Variants in CEP78 observed in about 807,000 individuals in gnomAD.
CEP78 encodes centrosomal protein 78, also known as centrosomal protein of 78 kDa.
CEP78 carries 76 observed loss-of-function variants against 81.2 expected under a neutral mutation model. The ratio of observed to expected loss-of-function variants is 0.94; its 90% CI spans 0.78 to 1.13. The LOEUF is 1.13. Among genes scored for constraint, CEP78 ranks in the 50% most tolerant of loss-of-function variants. The pLI is 0.00. For synonymous variants in CEP78, 293 were observed against 301.4 expected (o/e 0.97, Z 0.29); for missense variants, 918 against 846.8 (o/e 1.08, Z -1.04).
chr9:78,251,290 A>G (rs1034295484), intron 8 of CEP78, among the ~76,000 whole-genome samples: 2 of 152,258 alleles, frequency 1.3e-5, no homozygotes, highest in African/African-American at 4.8e-5. Context: ...ATAGGCGGCA[A>G]CATTGGCTCA....
At chr9:78,242,341 T>C (rs1184698277) in intron 4 of CEP78, among the ~76,000 whole-genome samples, 2 of 152,200 alleles carry the variant, frequency 1.3e-5, no homozygotes, top group Non-Finnish European at 2.9e-5. Flanking sequence ...ATGTTTATTT[T>C]GGGGCCTTTA....
intron 11 of CEP78, among the ~76,000 whole-genome samples, chr9:78,258,141 C>G (rs1827123695): frequency 6.6e-6 from 1 of 152,206 alleles, no homozygotes; most frequent in Non-Finnish European, 1.5e-5. Flanking sequence ...TATATTAATT[C>G]ATTTGATCCT....
chr9:78,260,501 A>G (rs1402699101), intron 11 of CEP78, among the ~76,000 whole-genome samples: 5 of 151,986 alleles, frequency 3.3e-5, no homozygotes, highest in Non-Finnish European at 5.9e-5. Context: ...AGTTCAGGAG[A>G]TCGAGACCAT....
In CEP78 at chr9:78,271,444, T is replaced by G. The variant is rs1827685690; in HGVS notation, c.*593T>G. 1 of 152,158 alleles carries G rather than the reference T, an allele frequency of 6.6e-6. No individual in the cohort carries two copies. Among genetic ancestry groups the G allele is most frequent in the Non-Finnish European group, 1.5e-5 (1 of 68,026 alleles). The allele number at this position is 152,158 out of a possible 1,614,324, so 9.4% of individuals were successfully genotyped here. A position where few individuals can be genotyped will look rare whatever the true frequency, so the allele number is the denominator to read the frequency against. ...CAAAATCTTCAGCAATTCATAAAGA[T>G]ACTGTGTTCATAAAGAATAGGATGC... On this transcript the variant is annotated 3_prime_UTR_variant, in exon 17 of 17. Transcript: ENST00000643273.
intron 16 of CEP78, among the ~76,000 whole-genome samples, chr9:78,268,680 C>CTTTTTTTT (rs1221969870): frequency 2.3e-5 from 3 of 130,698 alleles, no homozygotes; most frequent in Non-Finnish European, 4.9e-5. Flanking sequence ...GGTTTCTTTT[C>CTTTTTTTT]TTTTTTTTTT....
chr9:78,266,918 C>A, intron 16 of CEP78: 1 of 1,427,902 alleles, frequency 7.0e-7, no homozygotes, highest in Non-Finnish European at 9.1e-7. Context: ...AAAGTAAATC[C>A]AGTCCACTAG....
In CEP78 at chr9:78,265,888, T is replaced by C; in HGVS notation, c.1827T>C (p.Asn609=). 1 of 1,392,372 alleles carries C rather than the reference T, an allele frequency of 7.2e-7. No homozygotes were observed. The highest frequency in any genetic ancestry group is 1.4e-5 in the African/African-American group (1 of 70,050). 86.3% of individuals were successfully genotyped at this position (1,392,372 alleles called of 1,614,324 possible). A position where few individuals can be genotyped will look rare whatever the true frequency, so the allele number is the denominator to read the frequency against. The stretch of plus-strand genomic sequence containing the variant: ...CTATTTGTATGCAGTCAGCTTACAA[T>C]GAAGGAACACTAATGAAGGTACAAG... The part of the protein sequence containing the change: ...QVSICMQSAY[N]EGTLMKFQKI... The change falls in exon 15 of 17, where the codon AAT becomes AAC. Residue 609 remains asparagine, a synonymous_variant. Coordinates refer to ENST00000643273, the MANE Select transcript of CEP78 (RefSeq NM_001330691.3).
Position 78,250,222 on chromosome 9 carries a change from G to A in CEP78, c.1069+1349G>A, listed in dbSNP as rs1587574530. 47 of 398,036 alleles carry A rather than the reference G, an allele frequency of 1.2e-4. 1 individual carries two copies. The East Asian group carries it at 1.7e-3, about 14-fold the overall frequency. 24.7% of individuals were successfully genotyped at this position (398,036 alleles called of 1,614,324 possible). A position where few individuals can be genotyped will look rare whatever the true frequency, so the allele number is the denominator to read the frequency against. On this transcript the variant is annotated intron_variant, in intron 8 of 16. Coordinates refer to ENST00000643273, the MANE Select transcript of CEP78 (RefSeq NM_001330691.3). ...TATTTTAAGAGTAACTTTATTTCTTGGGCTTTTTTTGTATTTGCCTCAGTA... is the reference window on the plus strand; with the variant it reads ...TATTTTAAGAGTAACTTTATTTCTTAGGCTTTTTTTGTATTTGCCTCAGTA...
intron 10 of CEP78, 148 bp downstream of exon 10, chr9:78,253,425 T>C (rs768155999): frequency 8.1e-6 from 5 of 620,600 alleles, no homozygotes; most frequent in Admixed American, 2.6e-5. Context: ...GTTCTCCCGG[T>C]GCCACAGTAT....
At chr9:78,236,660 G>GT in intron 1 of CEP78, 57 bp downstream of exon 1, 5 of 1,506,200 alleles carry the variant, frequency 3.3e-6, no homozygotes, top group Non-Finnish European at 4.4e-6. Context: ...GGGTTTTTAG[G>GT]TGAGTGGTGT....
intron 8 of CEP78, chr9:78,250,266 A>G: frequency 2.5e-6 from 1 of 398,208 alleles, no homozygotes; most frequent in Non-Finnish European, 4.4e-6. Context: ...ACACAGAGGT[A>G]AGCCAAATCA....
chr9:78,267,089 A>G, intron 16 of CEP78: 3 of 1,063,828 alleles, frequency 2.8e-6, no homozygotes, highest in Non-Finnish European at 3.8e-6. Flanking sequence ...GGTGTCTTAA[A>G]ATATAGGATT....
chr9:78,246,147 A>AT (rs1826468614), intron 5 of CEP78, among the ~76,000 whole-genome samples: 1 of 152,238 alleles, frequency 6.6e-6, no homozygotes, highest in Admixed American at 6.5e-5. Flanking sequence ...GAGGGTAATC[A>AT]TGACACATCT....
intron 10 of CEP78, 116 bp downstream of exon 10, chr9:78,253,393 A>G (rs1327265324): frequency 1.0e-5 from 7 of 669,544 alleles, no homozygotes; most frequent in African/African-American, 3.6e-5. Context: ...TCCCTGAAGT[A>G]AATTCTTTAA....
intron 16 of CEP78, among the ~76,000 whole-genome samples, chr9:78,269,948 C>A (rs1827655188): frequency 6.6e-6 from 1 of 152,154 alleles, no homozygotes; most frequent in Non-Finnish European, 1.5e-5. Flanking sequence ...AGAAACAGAT[C>A]TGAACAGATG....
At chr9:78,270,266 C>T (rs1827661996) in intron 16 of CEP78, among the ~76,000 whole-genome samples, 1 of 152,094 alleles carries the variant, frequency 6.6e-6, no homozygotes, top group Admixed American at 6.6e-5. Context: ...TTTTAAAATT[C>T]TTCCATATTT....
intron 5 of CEP78, 33 bp downstream of exon 5, chr9:78,243,669 T>C (rs1251443448): frequency 2.5e-6 from 4 of 1,569,502 alleles, no homozygotes; most frequent in South Asian, 1.1e-5. Flanking sequence ...GTGGAAAATA[T>C]TGAATTTTTT....
chr9:78,260,097 CAGAGTAG>C (rs1183895258), intron 11 of CEP78, among the ~76,000 whole-genome samples: 3 of 152,170 alleles, frequency 2.0e-5, no homozygotes, highest in Non-Finnish European at 4.4e-5. Context: ...GGTAAGTCAA[CAGAGTAG>C]AGGTGATATA....
chr9:78,241,904 A>C, intron 4 of CEP78, 105 bp downstream of exon 4: 2 of 590,774 alleles, frequency 3.4e-6, no homozygotes, highest in Non-Finnish European at 5.8e-6. Flanking sequence ...ACATATGGGC[A>C]TTGCAGTTTT....
Sources: allele counts gnomAD v4.1 joint callset (sites outside exome capture counted in the v4.1 genomes callset), GRCh38; gene constraint gnomAD v4.1.1; transcripts MANE v1.5; gene names NCBI Gene and HGNC (gene_info 2026-07-23, HGNC 2026-07-21).